PPP2R1A: variants seen among roughly 807,000 people sequenced by gnomAD.
PPP2R1A encodes the protein serine/threonine-protein phosphatase 2A 65 kDa regulatory subunit A alpha isoform.
Under a neutral mutation model 67.1 loss-of-function variants are expected in PPP2R1A, and 15 were observed. That is an observed-to-expected ratio of 0.22 (90% CI 0.15 to 0.34). The LOEUF (loss-of-function observed/expected upper bound fraction) is 0.34. Ranked by LOEUF, PPP2R1A falls within the 10% of genes least tolerant of loss-of-function variation. The pLI is 1.00. For synonymous variants in PPP2R1A, 337 were observed against 325.0 expected (o/e 1.04, Z -0.40); for missense variants, 369 against 775.0 (o/e 0.48, Z 6.22).
rs2089475882 is a variant in PPP2R1A, at chr19:52,193,941, GTC to G, written c.78+3771_78+3772del. ...AGCCTGGGCAACAAAGTGAGACCCT[GTC>G]TCTACCAAAAAAAAAAAAAAAATTA... On this transcript the variant is annotated intron_variant, in intron 1 of 14. Transcript: ENST00000322088. Among the ~76,000 whole-genome samples, 5 of 147,888 alleles carry G rather than the reference GTC, an allele frequency of 3.4e-5. No homozygotes were observed. In the South Asian group the frequency reaches 1.1e-3, roughly 32 times the overall value.
At chr19:52,221,269 G>A (rs1600173083) in intron 12 of PPP2R1A, 136 bp downstream of exon 12, 1 of 1,305,328 alleles carries the variant, frequency 7.7e-7, no homozygotes, top group South Asian at 1.4e-5. Context: ...ATCCAGAGAT[G>A]AGTCCTTGGG....
In PPP2R1A at chr19:52,222,292, C is replaced by T. The variant is rs755518553; in HGVS notation, c.1661+51C>T. ...ACTGGCAGGGGCTTCTTGTGGGCAC[C>T]TTAATCTTTGACCTTTGAAGGTAGA... On this transcript the variant is annotated intron_variant, in intron 13 of 14. Transcript: ENST00000322088. 3.8e-6 allele frequency: 6 copies of T among 1,579,846 alleles called. No individual in the cohort carries two copies. In the Admixed American group the frequency reaches 8.9e-5, roughly 23 times the overall value.
At chr19:52,198,971 T>G (rs2089522307) in intron 1 of PPP2R1A, among the ~76,000 whole-genome samples, 1 of 152,228 alleles carries the variant, frequency 6.6e-6, no homozygotes, top group African/African-American at 2.4e-5. Context: ...TGATTATGAT[T>G]ATTAATTGTA....
chr19:52,214,790 A>G (rs577128536), intron 6 of PPP2R1A, among the ~76,000 whole-genome samples: 255 of 151,462 alleles, frequency 1.7e-3, no homozygotes, highest in Middle Eastern at 3.4e-3. Context: ...ACGGTGGCAC[A>G]AGCTCAGCTG....
intron 2 of PPP2R1A, 123 bp downstream of exon 2, chr19:52,202,157 T>A (rs1294580774): frequency 1.2e-6 from 1 of 804,906 alleles, no homozygotes; most frequent in Non-Finnish European, 2.0e-6. Flanking sequence ...TTAGACACTA[T>A]GGAGTGGGAA....
rs1979288194 is a variant in PPP2R1A, at chr19:52,226,719, GT to G, written c.*740del. The G allele has an allele frequency of 6.1e-6, 1 of 163,920 alleles. No homozygotes were observed. The highest frequency in any genetic ancestry group is 2.4e-5 in the African/African-American group (1 of 41,814). 10.2% of individuals were successfully genotyped at this position (163,920 alleles called of 1,614,324 possible). A position where few individuals can be genotyped will look rare whatever the true frequency, so the allele number is the denominator to read the frequency against. On this transcript the variant is annotated 3_prime_UTR_variant, in exon 15 of 15. Transcript: ENST00000322088. ...CTGGGTCCAAATTGTGGCTCCTTCA[GT>G]TAATAGACGTGTGACTAGGAGTAGC... is the stretch of plus-strand genomic sequence containing the variant.
Position 52,213,056 on chromosome 19 carries a change from C to T in PPP2R1A, c.753C>T (p.Ala251=), listed in dbSNP as rs756508136. The T allele has an allele frequency of 1.3e-4, 204 of 1,609,578 alleles. No individual in the cohort carries two copies. Among genetic ancestry groups the T allele is most frequent in the Non-Finnish European group, 1.7e-4 (196 of 1,179,032 alleles). ...TGGTGATGCCCACTCTGCGCCAGGC[C>T]GCTGAAGACAAGTCCTGGCGCGTCC... is the stretch of plus-strand genomic sequence containing the variant. The part of the protein sequence containing the change: ...EALVMPTLRQ[A]AEDKSWRVRY... Residue 251 remains alanine (A), a synonymous_variant, in exon 6 of 15, where the codon GCC becomes GCT. Transcript: ENST00000322088. This position sits in a 1 kb window ranked among gnomAD's most constrained non-coding sequence, Gnocchi z 4.2.
intron 3 of PPP2R1A, among the ~76,000 whole-genome samples, chr19:52,206,750 A>G (rs372157804): frequency 6.6e-6 from 1 of 152,188 alleles, no homozygotes; most frequent in African/African-American, 2.4e-5. Flanking sequence ...CCAGATCCCA[A>G]CAAGCAGCGT....
chr19:52,190,085 G>A lies in PPP2R1A; in HGVS notation c.-12G>A. The A allele has an allele frequency of 6.5e-7, 1 of 1,550,136 alleles. No homozygotes were observed. The highest frequency in any genetic ancestry group is 8.7e-7 in the Non-Finnish European group (1 of 1,146,478). Reference sequence around the variant, plus strand: ...GCTGGCCGCAGTCTGACAGGAAAGGGACGGAGCCAAGATGGCGGCGGCCGA... The same window carrying A: ...GCTGGCCGCAGTCTGACAGGAAAGGAACGGAGCCAAGATGGCGGCGGCCGA... On this transcript the variant is annotated 5_prime_UTR_variant, in exon 1 of 15. Transcript: ENST00000322088.
At chr19:52,196,553 C>A (rs1177700659) in intron 1 of PPP2R1A, among the ~76,000 whole-genome samples, 3 of 152,210 alleles carry the variant, frequency 2.0e-5, no homozygotes, top group Admixed American at 1.3e-4. Context: ...TCCTGAATCT[C>A]CTCAGCAGAC....
intron 13 of PPP2R1A, among the ~76,000 whole-genome samples, chr19:52,224,297 G>A (rs965938100): frequency 3.3e-5 from 5 of 152,148 alleles, no homozygotes; most frequent in African/African-American, 7.2e-5. Flanking sequence ...GTCCCCCTCC[G>A]TTTTCCAAAA....
At chr19:52,221,282 AC>A (rs1978910024) in intron 12 of PPP2R1A, 149 bp downstream of exon 12, 3 of 1,218,956 alleles carry the variant, frequency 2.5e-6, no homozygotes, top group Non-Finnish European at 3.4e-6. Context: ...TCCTTGGGGA[AC>A]TGCAGGCAAG....
rs2122334992 is a variant in PPP2R1A, at chr19:52,212,740, C to A, written c.558C>A (p.Ala186=). 6.2e-7 allele frequency: 1 copy of A among 1,614,074 alleles called. No individual in the cohort carries two copies. Among genetic ancestry groups the A allele is most frequent in the Non-Finnish European group, 8.5e-7 (1 of 1,180,026 alleles). Residue 186 remains alanine, a synonymous_variant, in exon 5 of 15, where the codon GCC becomes GCA. Transcript: ENST00000322088. This position sits in a 1 kb window ranked among gnomAD's most constrained non-coding sequence, Gnocchi z 4.1. The part of the protein sequence containing the change: ...DDTPMVRRAA[A]SKLGEFAKVL... ...CCCCCATGGTGCGGCGGGCCGCAGC[C>A]TCCAAGCTGGGGGAGTTTGCCAAGG...
At chr19:52,220,368 C>A in intron 11 of PPP2R1A, 119 bp downstream of exon 11, 1 of 1,058,912 alleles carries the variant, frequency 9.4e-7, no homozygotes, top group Non-Finnish European at 1.4e-6. Flanking sequence ...CCGCTGGATG[C>A]TCGTATGGAC....
chr19:52,201,227 CTG>C (rs2089545299), intron 1 of PPP2R1A: 1 of 152,294 alleles, frequency 6.6e-6, no homozygotes, highest in Non-Finnish European at 1.5e-5. Context: ...CTTTTTGAGG[CTG>C]CTATTCAGCC....
At chr19:52,218,838 G>A (rs963011860) in intron 9 of PPP2R1A, among the ~76,000 whole-genome samples, 3 of 152,178 alleles carry the variant, frequency 2.0e-5, no homozygotes, top group African/African-American at 7.2e-5. Context: ...TTCACCTTCA[G>A]CAAGCGCTAT....
intron 9 of PPP2R1A, among the ~76,000 whole-genome samples, chr19:52,217,970 G>C (rs532392782): frequency 1.3e-5 from 2 of 152,294 alleles, no homozygotes; most frequent in African/African-American, 4.8e-5. Context: ...GTGGCCAGCA[G>C]CAGTGTAGGC....
At chr19:52,222,829 A>G (rs1019231591) in intron 13 of PPP2R1A, among the ~76,000 whole-genome samples, 1 of 152,260 alleles carries the variant, frequency 6.6e-6, no homozygotes, top group Non-Finnish European at 1.5e-5. Context: ...GTGAGCTGAG[A>G]TCATGCCACT....
In PPP2R1A at chr19:52,216,927, C is replaced by T. The variant is rs79387411; in HGVS notation, c.1128+264C>T. Among the ~76,000 whole-genome samples the T allele has an allele frequency of 1.1e-4, 17 of 152,160 alleles. No individual in the cohort carries two copies. Among genetic ancestry groups the T allele is most frequent in the African/African-American group, 3.4e-4 (14 of 41,426 alleles). ...ATTTATGGCCAGGCGCGGTGGCTCA[C>T]GCCTGTAATCCCAGCACTTTGGGAG... On this transcript the variant is annotated intron_variant, in intron 9 of 14. Transcript: ENST00000322088. This position sits in a 1 kb window ranked among gnomAD's most constrained non-coding sequence, Gnocchi z 4.3.
Sources: gnomAD v4.1 joint callset for allele counts (sites outside exome capture counted in the v4.1 genomes callset) on GRCh38, gnomAD v4.1.1 for gene constraint, Gnocchi (gnomAD v3.1) non-coding constraint, MANE v1.5 for transcripts, NCBI Gene and HGNC (gene_info 2026-07-23, HGNC 2026-07-21) for gene names.